ZFAND3: variants seen among roughly 807,000 people sequenced by gnomAD.
ZFAND3 encodes the protein zinc finger AN1-type containing 3, also known as AN1-type zinc finger protein 3.
Under a neutral mutation model 29.6 loss-of-function variants are expected in ZFAND3, and 10 were observed. That is an observed-to-expected ratio of 0.34 (90% CI 0.21 to 0.57). The LOEUF is 0.57. Among genes scored for constraint, ZFAND3 ranks in the 20% least tolerant of loss-of-function variants. The pLI is 0.86. For synonymous variants in ZFAND3, 128 were observed against 112.6 expected (o/e 1.14, Z -0.87); for missense variants, 230 against 304.5 (o/e 0.76, Z 1.82).
chr6:37,931,284 C>T (rs901381043), intron 2 of ZFAND3, among the ~76,000 whole-genome samples: 4 of 152,132 alleles, frequency 2.6e-5, no homozygotes, highest in African/African-American at 4.8e-5. Context: ...CTGGCTAGAA[C>T]AAACAGTAGA....
intron 2 of ZFAND3, among the ~76,000 whole-genome samples, chr6:37,987,271 A>G (rs780220718): frequency 6.6e-6 from 1 of 152,198 alleles, no homozygotes; most frequent in Non-Finnish European, 1.5e-5. Context: ...GTTCAGAGGA[A>G]TACATTTCTA....
At chr6:38,069,843 TAAG>T (rs912551064) in intron 3 of ZFAND3, among the ~76,000 whole-genome samples, 6 of 152,240 alleles carry the variant, frequency 3.9e-5, no homozygotes, top group African/African-American at 1.4e-4. Flanking sequence ...GTAGTCAAAA[TAAG>T]AACCAGATTA....
At chr6:38,029,496 C>T (rs1185824024) in intron 2 of ZFAND3, among the ~76,000 whole-genome samples, 1 of 152,134 alleles carries the variant, frequency 6.6e-6, no homozygotes, top group Non-Finnish European at 1.5e-5. Flanking sequence ...TCATTTGGAT[C>T]TCTCTAACAC....
At chr6:37,977,900 CTCCT>C in intron 2 of ZFAND3, among the ~76,000 whole-genome samples, 1 of 140,044 alleles carries the variant, frequency 7.1e-6, no homozygotes, top group African/African-American at 2.6e-5. Context: ...CTCCTCTCCT[CTCCT>C]CTTCCTTTCT....
chr6:38,042,522 C>A (rs1210114883), intron 2 of ZFAND3, among the ~76,000 whole-genome samples: 5 of 151,872 alleles, frequency 3.3e-5, no homozygotes, highest in Non-Finnish European at 7.4e-5. Flanking sequence ...CCATGTTGGC[C>A]AGGCTGGTCT....
At chr6:37,927,210 G>A (rs1761500738) in intron 1 of ZFAND3, among the ~76,000 whole-genome samples, 1 of 152,138 alleles carries the variant, frequency 6.6e-6, no homozygotes, top group African/African-American at 2.4e-5. Context: ...TGAGAAAAAG[G>A]CCATTTTGCC....
chr6:37,923,261 A>T (rs1349943616), intron 1 of ZFAND3, among the ~76,000 whole-genome samples: 1 of 152,126 alleles, frequency 6.6e-6, no homozygotes, highest in East Asian at 1.9e-4. Flanking sequence ...ACCTTTATTT[A>T]AAAAATATTT....
chr6:37,950,416 C>T (rs1430618388), intron 2 of ZFAND3, among the ~76,000 whole-genome samples: 4 of 149,976 alleles, frequency 2.7e-5, no homozygotes, highest in East Asian at 3.9e-4. Flanking sequence ...CTCGCTCTGT[C>T]GCCCAGCCTG....
chr6:38,018,980 T>G (rs75148371), intron 2 of ZFAND3, among the ~76,000 whole-genome samples: 1 of 151,996 alleles, frequency 6.6e-6, no homozygotes, highest in African/African-American at 2.4e-5. Context: ...CTTTTTTTTT[T>G]GGGACAGAGT....
intron 1 of ZFAND3, among the ~76,000 whole-genome samples, chr6:37,913,025 T>C (rs570034176): frequency 5.3e-5 from 8 of 152,338 alleles, no homozygotes; most frequent in Admixed American, 1.3e-4. Flanking sequence ...AATTAAGATA[T>C]ATTTTTGCTT....
At chr6:37,913,648 A>C (rs1765562019) in intron 1 of ZFAND3, among the ~76,000 whole-genome samples, 1 of 151,622 alleles carries the variant, frequency 6.6e-6, no homozygotes, top group Non-Finnish European at 1.5e-5. Flanking sequence ...TAGAATGGTC[A>C]GTCCTTCCCA....
chr6:38,026,645 G>C (rs1269123925), intron 2 of ZFAND3, among the ~76,000 whole-genome samples: 1 of 151,908 alleles, frequency 6.6e-6, no homozygotes, highest in African/African-American at 2.4e-5. Context: ...TGCCCAGGCT[G>C]ATCCTGAACT....
At chr6:38,104,840 G>C (rs1196324335) in intron 4 of ZFAND3, among the ~76,000 whole-genome samples, 1 of 152,174 alleles carries the variant, frequency 6.6e-6, no homozygotes, top group East Asian at 1.9e-4. Flanking sequence ...CCCAGAGACA[G>C]CTGGGTCTTT....
intron 1 of ZFAND3, among the ~76,000 whole-genome samples, chr6:37,878,506 G>A (rs1764834481): frequency 6.6e-6 from 1 of 152,088 alleles, no homozygotes; most frequent in Admixed American, 6.6e-5. Context: ...TGAGAGGTGA[G>A]GCAGGGCCTA....
chr6:37,960,365 ATGTTTAGTGTGACAAACATTTCAAGT>A (rs1762173508), intron 2 of ZFAND3, among the ~76,000 whole-genome samples: 1 of 152,214 alleles, frequency 6.6e-6, no homozygotes. Context: ...TGAATGCCAA[ATGTTTAGTGTGACAAACATTTCAAGT>A]CTATGTGGGC....
At chr6:37,820,743 C>T (rs567752402) in intron 1 of ZFAND3, among the ~76,000 whole-genome samples, 123 of 152,288 alleles carry the variant, frequency 8.1e-4, no homozygotes, top group African/African-American at 2.8e-3. Context: ...CTCAAATTCT[C>T]CTCTTTCTCA....
chr6:38,106,230 G>A (rs899556657), intron 4 of ZFAND3, among the ~76,000 whole-genome samples: 10 of 151,456 alleles, frequency 6.6e-5, no homozygotes, highest in African/African-American at 1.7e-4. Flanking sequence ...CGGGCTCACT[G>A]CAACTTCCAC....
At position 38,082,343 on chromosome 6, in the gene ZFAND3, G is replaced by T. The variant is rs749165946; in HGVS notation, c.296-49G>T. The T allele has an allele frequency of 2.0e-6, 3 of 1,518,774 alleles. No individual in the cohort carries two copies. In the African/African-American group the frequency reaches 4.2e-5, roughly 21 times the overall value. 94.1% of individuals were successfully genotyped at this position (1,518,774 alleles called of 1,614,324 possible). On this transcript the variant is annotated intron_variant, in intron 3 of 5. Transcript: ENST00000287218. ...TTTACTCAGGAAAGCAACTATATGGGCATGTAAAGGATGTGTCCTGACTGA... is the reference window on the plus strand; with the variant it reads ...TTTACTCAGGAAAGCAACTATATGGTCATGTAAAGGATGTGTCCTGACTGA...
chr6:38,081,822 TATC>T (rs1764667337), intron 3 of ZFAND3, among the ~76,000 whole-genome samples: 1 of 152,160 alleles, frequency 6.6e-6, no homozygotes, highest in Admixed American at 6.6e-5. Flanking sequence ...GGCCTCTCGA[TATC>T]ATATTTCTTA....
Sources: allele counts gnomAD v4.1 joint callset (sites outside exome capture counted in the v4.1 genomes callset), GRCh38; gene constraint gnomAD v4.1.1; transcripts MANE v1.5; gene names NCBI Gene and HGNC (gene_info 2026-07-23, HGNC 2026-07-21).